Variants in LSAMP observed in about 807,000 individuals in gnomAD.
LSAMP encodes limbic system-associated membrane protein.
A neutral mutation model predicts 38.6 loss-of-function variants in LSAMP; 7 were observed. That is an observed-to-expected ratio of 0.18 (90% CI 0.10 to 0.34). The LOEUF is 0.34. Among genes scored for constraint, LSAMP ranks in the 10% least tolerant of loss-of-function variants. The probability of loss-of-function intolerance (pLI) is 1.00; values close to 1 mark genes in which losing one functional copy is unlikely to be tolerated. For synonymous variants in LSAMP, 154 were observed against 166.8 expected (o/e 0.92, Z 0.59); for missense variants, 313 against 420.0 (o/e 0.75, Z 2.23).
chr3:116,138,884 CA>C (rs1403192696), intron 1 of LSAMP, among the ~76,000 whole-genome samples: 2 of 150,768 alleles, frequency 1.3e-5, no homozygotes, highest in African/African-American at 4.9e-5. Context: ...AGGTGGCAGC[CA>C]AAGCAATCTA....
At chr3:116,262,765 G>A (rs901824715) in intron 1 of LSAMP, among the ~76,000 whole-genome samples, 1 of 152,192 alleles carries the variant, frequency 6.6e-6, no homozygotes, top group African/African-American at 2.4e-5. Context: ...GATATCATGT[G>A]CTTGAAAGGA....
chr3:116,092,100 C>CATGT (rs1353330653), intron 1 of LSAMP, among the ~76,000 whole-genome samples: 1 of 152,054 alleles, frequency 6.6e-6, no homozygotes, highest in Admixed American at 6.6e-5. Context: ...GCATAAATAC[C>CATGT]ATGTGCATAG....
At chr3:116,438,113 C>A (rs1370583540) in intron 1 of LSAMP, among the ~76,000 whole-genome samples, 1 of 146,786 alleles carries the variant, frequency 6.8e-6, no homozygotes, top group African/African-American at 2.5e-5. Context: ...AGAAACTCAA[C>A]TATATCGTAA....
At chr3:115,949,438 G>A (rs1559893184) in intron 3 of LSAMP, among the ~76,000 whole-genome samples, 1 of 150,858 alleles carries the variant, frequency 6.6e-6, no homozygotes, top group Non-Finnish European at 1.5e-5. Flanking sequence ...GGTCATTCAA[G>A]GCTACTATGA....
intron 1 of LSAMP, among the ~76,000 whole-genome samples, chr3:116,350,254 A>G (rs1053731048): frequency 1.3e-5 from 2 of 152,080 alleles, no homozygotes; most frequent in African/African-American, 4.8e-5. Flanking sequence ...CCATTTAAGT[A>G]TTCTGCAGAT....
At chr3:116,306,594 C>A (rs1359102687) in intron 1 of LSAMP, among the ~76,000 whole-genome samples, 1 of 151,958 alleles carries the variant, frequency 6.6e-6, no homozygotes, top group Non-Finnish European at 1.5e-5. Context: ...AACCTGAGTG[C>A]CATCTCATCC....
At chr3:116,025,550 T>G (rs1478555922) in intron 2 of LSAMP, among the ~76,000 whole-genome samples, 3 of 152,146 alleles carry the variant, frequency 2.0e-5, no homozygotes, top group Non-Finnish European at 4.4e-5. Flanking sequence ...TTATCTCAAT[T>G]TCTTCTTTTT....
intron 1 of LSAMP, among the ~76,000 whole-genome samples, chr3:116,103,002 A>C (rs1488854715): frequency 6.6e-6 from 1 of 151,308 alleles, no homozygotes; most frequent in Non-Finnish European, 1.5e-5. Flanking sequence ...AGTATTACCC[A>C]CCCCCCCAAA....
chr3:116,012,673 C>T (rs886547946), intron 3 of LSAMP, among the ~76,000 whole-genome samples: 3 of 151,640 alleles, frequency 2.0e-5, no homozygotes, highest in Non-Finnish European at 4.4e-5. Flanking sequence ...TTTAAAAATC[C>T]CCGTGGTTAT....
chr3:116,271,964 G>C (rs2046980139), intron 1 of LSAMP, among the ~76,000 whole-genome samples: 1 of 151,964 alleles, frequency 6.6e-6, no homozygotes, highest in Non-Finnish European at 1.5e-5. Flanking sequence ...CTTGTGAAGG[G>C]AAAAATAAAT....
intron 1 of LSAMP, among the ~76,000 whole-genome samples, chr3:116,217,422 T>A (rs1238230986): frequency 2.6e-5 from 4 of 152,368 alleles, no homozygotes; most frequent in Middle Eastern, 6.8e-3. Context: ...ACAAGTTATT[T>A]AATTATCTGA....
At chr3:116,232,591 A>G (rs137935589) in intron 1 of LSAMP, among the ~76,000 whole-genome samples, 1 of 152,030 alleles carries the variant, frequency 6.6e-6, no homozygotes, top group East Asian at 1.9e-4. Context: ...AGCATTTGCA[A>G]TTTCCAAGTG....
At chr3:116,357,775 A>T (rs909556970) in intron 1 of LSAMP, among the ~76,000 whole-genome samples, 3 of 152,176 alleles carry the variant, frequency 2.0e-5, no homozygotes, top group Non-Finnish European at 4.4e-5. Context: ...TAAATAATAA[A>T]TAAACCCTAA....
chr3:116,445,345 GTCTC>G lies in LSAMP; in HGVS notation c.-318_-315del. ...AGCCAAAGGAAAGGGTTCTTGTTTGGTCTCTCTGTGACTGGATGCTCCTCTGCCA... is the reference window on the plus strand; with the variant it reads ...AGCCAAAGGAAAGGGTTCTTGTTTGGTCTGTGACTGGATGCTCCTCTGCCA... On this transcript the variant is annotated 5_prime_UTR_variant, in exon 1 of 7. Transcript: ENST00000490035. 3 of 554,858 alleles carry G rather than the reference GTCTC, an allele frequency of 5.4e-6. 1 individual carries two copies. Among genetic ancestry groups the G allele is most frequent in the Non-Finnish European group, 3.2e-6 (1 of 316,398 alleles). The allele number at this position is 554,858 out of a possible 1,614,324, so 34.4% of individuals were successfully genotyped here.
At chr3:116,406,349 T>C (rs2048896998) in intron 1 of LSAMP, among the ~76,000 whole-genome samples, 2 of 152,110 alleles carry the variant, frequency 1.3e-5, no homozygotes, top group African/African-American at 4.8e-5. Context: ...CTACCCAGTA[T>C]AGCTTGGAAT....
rs932171118 is a variant in LSAMP, at chr3:116,084,284, A to C, written c.388+2040T>G. 7.9e-5 allele frequency among the ~76,000 whole-genome samples: 12 copies of C among 152,210 alleles called. 1 individual carries two copies. Among genetic ancestry groups the C allele is most frequent in the Admixed American group, 7.9e-4 (12 of 15,284 alleles). Reference sequence around the variant, plus strand: ...GCCATGTCAGGAAGGTACATGCAGTATCTAACATAATTTTAGTTCTAACCC... The same window carrying C: ...GCCATGTCAGGAAGGTACATGCAGTCTCTAACATAATTTTAGTTCTAACCC... On this transcript the variant is annotated intron_variant, in intron 2 of 6. Transcript: ENST00000490035.
At chr3:115,954,138 T>A (rs1938380114) in intron 3 of LSAMP, among the ~76,000 whole-genome samples, 1 of 152,226 alleles carries the variant, frequency 6.6e-6, no homozygotes, top group South Asian at 2.1e-4. Flanking sequence ...GTTGGTATGT[T>A]ATATCCATTT....
chr3:116,293,242 C>T (rs1199540868), intron 1 of LSAMP, among the ~76,000 whole-genome samples: 1 of 152,108 alleles, frequency 6.6e-6, no homozygotes, highest in African/African-American at 2.4e-5. Context: ...GGAACTTTAC[C>T]AAGGATGTAT....
rs189004297 is a variant in LSAMP, at chr3:115,875,488, C to T, written c.515-22871G>A. ...GGGTTCAGAATAATTACAATATTAT[C>T]CCAAATATCACTATGTGCTAGGCCT... On this transcript the variant is annotated intron_variant, in intron 3 of 6. Transcript: ENST00000490035. 3.9e-5 allele frequency among the ~76,000 whole-genome samples: 6 copies of T among 152,082 alleles called. No individual in the cohort carries two copies. In the East Asian group the frequency reaches 1.2e-3, roughly 29 times the overall value.
Sources: allele counts gnomAD v4.1 joint callset (sites outside exome capture counted in the v4.1 genomes callset), GRCh38; gene constraint gnomAD v4.1.1; transcripts MANE v1.5; gene names NCBI Gene and HGNC (gene_info 2026-07-23, HGNC 2026-07-21).